The following CCDC169 variants were observed in gnomAD, a reference collection of about 807,000 sequenced individuals.
The protein encoded by CCDC169 is coiled-coil domain containing 169.
A neutral mutation model predicts 36.0 loss-of-function variants in CCDC169; 30 were observed. That is an observed-to-expected ratio of 0.83 (90% CI 0.62 to 1.13). The LOEUF (loss-of-function observed/expected upper bound fraction) is 1.13, where lower values mean the gene tolerates loss of function less well. Among genes scored for constraint, CCDC169 ranks in the 50% most tolerant of loss-of-function variants. The probability of loss-of-function intolerance (pLI) is 0.00; values close to 1 mark genes in which losing one functional copy is unlikely to be tolerated. For missense variants in CCDC169, 245 were observed against 245.9 expected (o/e 1.00, Z 0.03); for synonymous variants, 85 against 81.5 (o/e 1.04, Z -0.23).
chr13:36,275,510 C>T (rs1006280302), intron 4 of CCDC169, among the ~76,000 whole-genome samples: 3 of 152,154 alleles, frequency 2.0e-5, no homozygotes, highest in African/African-American at 7.2e-5. Context: ...GGGCTGTCCA[C>T]AGAACACCTC....
intron 6 of CCDC169, among the ~76,000 whole-genome samples, chr13:36,251,323 G>A (rs1193639886): frequency 6.6e-6 from 1 of 152,156 alleles, no homozygotes; most frequent in East Asian, 1.9e-4. Flanking sequence ...GTATCCACAT[G>A]GTTAGAACTG....
intron 2 of CCDC169, among the ~76,000 whole-genome samples, chr13:36,285,211 A>T (rs968951684): frequency 7.2e-5 from 11 of 152,190 alleles, no homozygotes; most frequent in African/African-American, 2.7e-4. Flanking sequence ...TTTATTTAAA[A>T]ATATTATTGA....
intron 6 of CCDC169, 129 bp downstream of exon 6, chr13:36,253,674 C>T: frequency 9.3e-7 from 1 of 1,072,294 alleles, no homozygotes; most frequent in Non-Finnish European, 1.3e-6. Context: ...TTCCTGTCTA[C>T]CCTCCATATT....
intron 7 of CCDC169, among the ~76,000 whole-genome samples, chr13:36,236,456 G>A (rs1304517071): frequency 6.6e-6 from 1 of 151,926 alleles, no homozygotes; most frequent in Non-Finnish European, 1.5e-5. Context: ...AGGCAAAAGA[G>A]TGAAACTGGA....
chr13:36,243,213 T>C (rs1872073100), intron 7 of CCDC169, among the ~76,000 whole-genome samples: 1 of 152,148 alleles, frequency 6.6e-6, no homozygotes, highest in African/African-American at 2.4e-5. Flanking sequence ...GCTAATAAAC[T>C]TCCTGGCCAG....
intron 6 of CCDC169, 136 bp from the exon 7 acceptor site, chr13:36,248,818 G>T: frequency 1.4e-6 from 1 of 715,004 alleles, no homozygotes; most frequent in African/African-American, 1.8e-5. Context: ...TGAGAAAAAT[G>T]GGAAATTCTG....
chr13:36,279,853 T>C (rs745633144), intron 4 of CCDC169, among the ~76,000 whole-genome samples: 12 of 152,156 alleles, frequency 7.9e-5, no homozygotes, highest in Non-Finnish European at 1.2e-4. Flanking sequence ...ATATTTACTA[T>C]TTATCCATCT....
At chr13:36,296,001 G>A in intron 1 of CCDC169, 144 bp from the exon 2 acceptor site, 2 of 529,362 alleles carry the variant, frequency 3.8e-6, no homozygotes, top group South Asian at 3.0e-5. Flanking sequence ...TAAGACTCAG[G>A]CAAAGGAAGG....
chr13:36,293,037 T>C (rs1879092163), intron 2 of CCDC169, among the ~76,000 whole-genome samples: 2 of 152,168 alleles, frequency 1.3e-5, no homozygotes, highest in African/African-American at 4.8e-5. Flanking sequence ...TTCTCTTTTT[T>C]CTTTGAAAGA....
chr13:36,239,919 A>T (rs1034732058), intron 7 of CCDC169, among the ~76,000 whole-genome samples: 2 of 152,188 alleles, frequency 1.3e-5, no homozygotes, highest in Non-Finnish European at 2.9e-5. Context: ...GAGACACCAC[A>T]TTCATATAAC....
rs186735397 is a variant in CCDC169, at chr13:36,266,303, T to C, written c.316-12160A>G. On this transcript the variant is annotated intron_variant, in intron 4 of 7. Transcript: ENST00000239859. ...CTGAGGGGGAAACCAGTTGTCTTGT[T>C]GGGAAGAGGCCTCCGCAGCATCTTC... Among the ~76,000 whole-genome samples the C allele has an allele frequency of 5.9e-5, 9 of 152,254 alleles. No individual in the cohort carries two copies. The East Asian group carries it at 1.7e-3, about 29-fold the overall frequency.
At chr13:36,258,993 G>A (rs1874274524) in intron 4 of CCDC169, among the ~76,000 whole-genome samples, 2 of 152,174 alleles carry the variant, frequency 1.3e-5, no homozygotes, top group African/African-American at 4.8e-5. Flanking sequence ...AAGCTGCCGG[G>A]ATGAGTGCCT....
At chr13:36,268,953 A>G (rs1875683923) in intron 4 of CCDC169, among the ~76,000 whole-genome samples, 1 of 152,200 alleles carries the variant, frequency 6.6e-6, no homozygotes, top group Admixed American at 6.5e-5. Flanking sequence ...AAAAATACAA[A>G]AATTAGCTGG....
At chr13:36,235,209 C>G (rs1237095828) in intron 7 of CCDC169, among the ~76,000 whole-genome samples, 3 of 151,312 alleles carry the variant, frequency 2.0e-5, no homozygotes, top group Non-Finnish European at 4.4e-5. Context: ...AGACCAAGAC[C>G]AGATGGCTTC....
At chr13:36,243,370 C>G (rs9546853) in intron 7 of CCDC169, among the ~76,000 whole-genome samples, 59,805 of 151,596 alleles carry the variant, frequency 0.39, 12,843 homozygotes, top group Non-Finnish European at 0.48. Flanking sequence ...AATGGTGGCA[C>G]ACACCTGTAA....
chr13:36,231,924 A>AT (rs1402740679), intron 7 of CCDC169, among the ~76,000 whole-genome samples: 1 of 152,158 alleles, frequency 6.6e-6, no homozygotes, highest in Non-Finnish European at 1.5e-5. Context: ...AGAACTTGTC[A>AT]TTTTCTCCTC....
At chr13:36,269,335 T>G (rs1258496591) in intron 4 of CCDC169, among the ~76,000 whole-genome samples, 4 of 152,168 alleles carry the variant, frequency 2.6e-5, no homozygotes, top group Non-Finnish European at 4.4e-5. Context: ...ACAGCTAAAT[T>G]CTACCAGGCA....
intron 7 of CCDC169, among the ~76,000 whole-genome samples, chr13:36,247,879 T>C (rs1299015509): frequency 6.6e-6 from 1 of 152,214 alleles, no homozygotes; most frequent in Non-Finnish European, 1.5e-5. Flanking sequence ...GGTAAAATGC[T>C]ATCAAACCAC....
intron 2 of CCDC169, among the ~76,000 whole-genome samples, chr13:36,284,540 A>G (rs1421532964): frequency 6.6e-6 from 1 of 152,182 alleles, no homozygotes; most frequent in African/African-American, 2.4e-5. Flanking sequence ...CTATCTTCTC[A>G]GGCATTTTCT....
Sources: gnomAD v4.1 joint callset for allele counts (sites outside exome capture counted in the v4.1 genomes callset) on GRCh38, gnomAD v4.1.1 for gene constraint, MANE v1.5 for transcripts, NCBI Gene and HGNC (gene_info 2026-07-23, HGNC 2026-07-21) for gene names.